PITPNB: variants seen among roughly 807,000 people sequenced by gnomAD.
The protein encoded by PITPNB is phosphatidylinositol transfer protein beta, also known as phosphatidylinositol transfer protein beta isoform.
PITPNB carries 16 observed loss-of-function variants against 45.9 expected under a neutral mutation model. That is an observed-to-expected ratio of 0.35 (90% CI 0.24 to 0.53). The LOEUF is 0.53. PITPNB is among the 20% of genes least tolerant of loss of function. The pLI, the probability that PITPNB is intolerant of heterozygous loss-of-function variation, is 0.93. For synonymous variants in PITPNB, 112 were observed against 108.9 expected, an observed-to-expected ratio of 1.03 and a Z score of -0.18; for missense variants, 188 against 330.5, an observed-to-expected ratio of 0.57 and a Z score of 3.34.
chr22:27,894,201 A>C (rs897891090), intron 7 of PITPNB: 1 of 168,016 alleles, frequency 6.0e-6, no homozygotes, highest in African/African-American at 2.4e-5. Context: ...TGCTTTCTTA[A>C]TCACATTTGA....
rs1272135471 is a variant in PITPNB, at chr22:27,854,881, A to G, written c.*11T>C. ...AGTTTGACATTGTCTCTGACCCTAC[A>G]GGGGACTCATCTAGACATCAGCAGC... On this transcript the variant is annotated 3_prime_UTR_variant, in exon 11 of 12. Coordinates refer to ENST00000335272, the MANE Select transcript of PITPNB (RefSeq NM_012399.5). The G allele has an allele frequency of 2.7e-5, 44 of 1,612,550 alleles. No homozygotes were observed. The Admixed American group carries it at 7.2e-4, about 26-fold the overall frequency.
chr22:27,873,875 G>C (rs1215990962), intron 7 of PITPNB, 60 bp from the exon 8 acceptor site: 1 of 1,071,914 alleles, frequency 9.3e-7, no homozygotes, highest in Non-Finnish European at 1.5e-6. Context: ...CTTTAACCGT[G>C]CCAGAATAGC....
At position 27,860,210 on chromosome 22, in the gene PITPNB, T is replaced by G; in HGVS notation, c.566A>C (p.Gln189Pro). The G allele has an allele frequency of 6.2e-7, 1 of 1,613,558 alleles. No individual in the cohort carries two copies. Among genetic ancestry groups the G allele is most frequent in the Non-Finnish European group, 8.5e-7 (1 of 1,179,550 alleles). The change falls in exon 9 of 12, where the codon CAG (glutamine) becomes CCG (proline). Residue 189 changes from glutamine to proline, a missense_variant. Physicochemically the swap from Gln to Pro is moderately conservative, Grantham distance 76 (BLOSUM62 -1). Coordinates refer to ENST00000335272, the MANE Select transcript of PITPNB (RefSeq NM_012399.5). The stretch of plus-strand genomic sequence containing the variant: ...GGTCACCAGCTTATAGGCACACATC[T>G]GGGGACAGTCAGGGCTGTTTGCCAG... ...KELANSPDCP[Q>P]MCAYKLVTIK... is the part of the protein sequence containing the mutation.
At chr22:27,861,420 A>G (rs2146350437) in intron 8 of PITPNB, among the ~76,000 whole-genome samples, 1 of 152,324 alleles carries the variant, frequency 6.6e-6, no homozygotes, top group Admixed American at 6.5e-5. Context: ...TAGTGAGTTC[A>G]ATATACTAGC....
chr22:27,919,244 T>C lies in PITPNB; in HGVS notation c.-53A>G, dbSNP rs1308633937. 7 of 1,506,028 alleles carry C rather than the reference T, an allele frequency of 4.6e-6. No individual in the cohort carries two copies. The highest frequency in any genetic ancestry group is 1.1e-5 in the South Asian group (1 of 89,044). 93.3% of individuals were successfully genotyped at this position (1,506,028 alleles called of 1,614,324 possible). A position where few individuals can be genotyped will look rare whatever the true frequency, so the allele number is the denominator to read the frequency against. ...CCGATACCACCGCCGCCGCCGCCGC[T>C]ACCGCCTCTCACAGCGCCTGCGCGG... On this transcript the variant is annotated 5_prime_UTR_variant, in exon 1 of 12. Coordinates refer to ENST00000335272, the MANE Select transcript of PITPNB (RefSeq NM_012399.5).
intron 10 of PITPNB, among the ~76,000 whole-genome samples, chr22:27,855,588 G>A (rs936532023): frequency 1.3e-5 from 2 of 152,280 alleles, no homozygotes; most frequent in East Asian, 1.9e-4. Flanking sequence ...CAATAAATAC[G>A]TTAAAACTCA....
chr22:27,881,590 C>A (rs564447596), intron 7 of PITPNB, among the ~76,000 whole-genome samples: 1 of 152,220 alleles, frequency 6.6e-6, no homozygotes, highest in Non-Finnish European at 1.5e-5. Context: ...CTGGCTGGAT[C>A]TCAGCCACAG....
intron 1 of PITPNB, among the ~76,000 whole-genome samples, chr22:27,916,506 A>G (rs1383339304): frequency 6.6e-6 from 1 of 152,184 alleles, no homozygotes; most frequent in Non-Finnish European, 1.5e-5. Flanking sequence ...TAACATTTTA[A>G]TTCTTATAAA....
intron 3 of PITPNB, among the ~76,000 whole-genome samples, chr22:27,899,619 G>T (rs561500198): frequency 6.6e-6 from 1 of 152,046 alleles, no homozygotes; most frequent in African/African-American, 2.4e-5. Flanking sequence ...CACCGCGCCC[G>T]GCCTGATCAC....
chr22:27,900,648 T>A (rs1346046017), intron 3 of PITPNB, among the ~76,000 whole-genome samples: 1 of 152,210 alleles, frequency 6.6e-6, no homozygotes, highest in Non-Finnish European at 1.5e-5. Context: ...GAGGAAAATG[T>A]GCACATGGAG....
chr22:27,893,188 A>G (rs1163588655), intron 7 of PITPNB, among the ~76,000 whole-genome samples: 2 of 152,222 alleles, frequency 1.3e-5, no homozygotes, highest in African/African-American at 2.4e-5. Flanking sequence ...GTATTTACAC[A>G]TGCTGTGTAA....
intron 7 of PITPNB, among the ~76,000 whole-genome samples, chr22:27,888,623 T>A (rs1935190647): frequency 6.6e-6 from 1 of 152,194 alleles, no homozygotes. Context: ...AACAGGTTGC[T>A]AAACAAAGAG....
intron 7 of PITPNB, among the ~76,000 whole-genome samples, chr22:27,882,542 C>A (rs748161256): frequency 2.5e-4 from 38 of 152,212 alleles, no homozygotes; most frequent in Non-Finnish European, 5.1e-4. Flanking sequence ...ACATCACAAT[C>A]CTTAAAAAGA....
intron 8 of PITPNB, among the ~76,000 whole-genome samples, chr22:27,862,668 C>A (rs1221733416): frequency 6.6e-6 from 1 of 152,100 alleles, no homozygotes; most frequent in Non-Finnish European, 1.5e-5. Context: ...TATATGTATA[C>A]ACACATACAA....
At chr22:27,903,601 A>AC (rs759093970) in intron 3 of PITPNB, among the ~76,000 whole-genome samples, 2 of 146,562 alleles carry the variant, frequency 1.4e-5, no homozygotes, top group Admixed American at 6.9e-5. Context: ...ATACAGGGAG[A>AC]CCCCCCACCT....
At chr22:27,885,248 A>AAAAAAAAAAAAAG (rs1935089286) in intron 7 of PITPNB, among the ~76,000 whole-genome samples, 1 of 140,492 alleles carries the variant, frequency 7.1e-6, no homozygotes, top group Non-Finnish European at 1.5e-5. Context: ...AAAAAAAAAA[A>AAAAAAAAAAAAAG]AAAAGCAGAA....
At chr22:27,904,886 T>C (rs369800613) in intron 3 of PITPNB, among the ~76,000 whole-genome samples, 1 of 151,986 alleles carries the variant, frequency 6.6e-6, no homozygotes, top group African/African-American at 2.4e-5. Context: ...CCTGGAGAAT[T>C]ACAAAAAACA....
chr22:27,871,649 T>C (rs1472889102), intron 8 of PITPNB, among the ~76,000 whole-genome samples: 2 of 152,198 alleles, frequency 1.3e-5, no homozygotes, highest in Non-Finnish European at 2.9e-5. Flanking sequence ...GGACACTAAA[T>C]CCATTAAAGC....
chr22:27,854,809 AAGGTAC>A, intron 11 of PITPNB, 39 bp downstream of exon 11: 1 of 1,194,388 alleles, frequency 8.4e-7, no homozygotes, highest in East Asian at 2.4e-5. Flanking sequence ...CATCACCAAA[AAGGTAC>A]AGGTTTCGAA....
Sources: allele counts gnomAD v4.1 joint callset (sites outside exome capture counted in the v4.1 genomes callset), GRCh38; gene constraint gnomAD v4.1.1; transcripts MANE v1.5; gene names NCBI Gene and HGNC (gene_info 2026-07-23, HGNC 2026-07-21).